Variants in FRYL observed in about 807,000 individuals in gnomAD.
FRYL encodes the protein protein furry homolog-like.
In FRYL, 150 loss-of-function variants were observed where a neutral mutation model predicts 351.2. The ratio of observed to expected loss-of-function variants is 0.43; its 90% CI spans 0.37 to 0.49. The LOEUF is 0.49. Ranked by LOEUF, FRYL falls within the 20% of genes least tolerant of loss-of-function variation. FRYL has a pLI of 0.00. For missense variants in FRYL, 3,036 were observed against 3,619.3 expected (o/e 0.84, Z 4.13); for synonymous variants, 1,153 against 1,257.1 (o/e 0.92, Z 1.75).
At chr4:48,661,705 A>T (rs1760759222) in intron 3 of FRYL, among the ~76,000 whole-genome samples, 1 of 152,250 alleles carries the variant, frequency 6.6e-6, no homozygotes, top group Admixed American at 6.5e-5. Flanking sequence ...GCAACATCCA[A>T]TTGAAATGTA....
At chr4:48,655,301 C>T (rs1039775077) in intron 3 of FRYL, among the ~76,000 whole-genome samples, 3 of 152,028 alleles carry the variant, frequency 2.0e-5, no homozygotes, top group Non-Finnish European at 4.4e-5. Flanking sequence ...AACACAGAAC[C>T]ATAATACCAC....
chr4:48,587,706 G>T (rs1455825296), intron 18 of FRYL, among the ~76,000 whole-genome samples: 1 of 152,008 alleles, frequency 6.6e-6, no homozygotes, highest in African/African-American at 2.4e-5. Flanking sequence ...ACCACGCCCA[G>T]CTAATTTTTT....
chr4:48,508,308 T>C (rs1246007108), intron 59 of FRYL, among the ~76,000 whole-genome samples: 1 of 152,226 alleles, frequency 6.6e-6, no homozygotes, highest in Non-Finnish European at 1.5e-5. Flanking sequence ...TCTGAGATTT[T>C]GAATGAGACT....
At chr4:48,608,886 G>C (rs888143904) in intron 9 of FRYL, 101 bp downstream of exon 9, 2 of 769,572 alleles carry the variant, frequency 2.6e-6, no homozygotes, top group East Asian at 5.1e-5. Context: ...TAGTGCTATG[G>C]AAAATGGTGG....
chr4:48,623,002 T>G (rs1750976441), intron 5 of FRYL, 124 bp downstream of exon 5: 1 of 621,062 alleles, frequency 1.6e-6, no homozygotes, highest in South Asian at 2.1e-5. Flanking sequence ...AAATCTAGAA[T>G]GAATTAAGCA....
intron 49 of FRYL, 71 bp from the exon 50 acceptor site, chr4:48,531,424 C>T: frequency 2.3e-6 from 2 of 881,472 alleles, no homozygotes; most frequent in South Asian, 3.0e-5. Context: ...ATTTACTGTA[C>T]ACCATAAAAA....
At chr4:48,675,222 T>A (rs1763402545) in intron 3 of FRYL, among the ~76,000 whole-genome samples, 1 of 152,208 alleles carries the variant, frequency 6.6e-6, no homozygotes. Context: ...CTCCTCTGCC[T>A]GGGCTCCCAT....
Position 48,694,549 on chromosome 4 carries a change from G to A in FRYL, c.-203-9754C>T, listed in dbSNP as rs1486331205. On this transcript the variant is annotated intron_variant, in intron 2 of 63. Coordinates refer to ENST00000358350, the MANE Select transcript of FRYL (RefSeq NM_015030.2). Reference sequence around the variant, plus strand: ...TGACCTCAGGTGATCCACTTGCCTCGGCCTCCCAAAGTGCTGGGATTATAG... The same window carrying A: ...TGACCTCAGGTGATCCACTTGCCTCAGCCTCCCAAAGTGCTGGGATTATAG... Among the ~76,000 whole-genome samples, 9 of 151,846 alleles carry A rather than the reference G, an allele frequency of 5.9e-5. No homozygotes were observed. In the East Asian group the frequency reaches 9.7e-4, roughly 16 times the overall value.
intron 16 of FRYL, among the ~76,000 whole-genome samples, chr4:48,591,557 C>G (rs191015048): frequency 1.3e-3 from 202 of 152,270 alleles, no homozygotes; most frequent in African/African-American, 4.8e-3. Context: ...AGCACCCTTT[C>G]CCTCCTGAAA....
intron 60 of FRYL, among the ~76,000 whole-genome samples, chr4:48,504,310 T>C (rs1352010151): frequency 2.0e-5 from 3 of 152,116 alleles, no homozygotes; most frequent in Non-Finnish European, 4.4e-5. Context: ...GAAATATAAA[T>C]GAAAGTGTTA....
chr4:48,550,941 G>A (rs572861203), intron 37 of FRYL, among the ~76,000 whole-genome samples: 8 of 152,096 alleles, frequency 5.3e-5, no homozygotes, highest in Admixed American at 1.3e-4. Flanking sequence ...GCGTGGTGAC[G>A]TGTGCCTGTA....
intron 3 of FRYL, among the ~76,000 whole-genome samples, chr4:48,657,500 A>C (rs987646043): frequency 2.6e-5 from 4 of 152,292 alleles, no homozygotes; most frequent in East Asian, 1.9e-4. Context: ...CACAGAAACT[A>C]AGTCACGGCC....
At position 48,512,579 on chromosome 4, in the gene FRYL, C is replaced by T. The variant is rs758847108; in HGVS notation, c.8047G>A (p.Glu2683Lys). ...ACGTGGCAGCGCCAGGCTTCCTCTTCATCATCATATGCCACGGGCTGAAAG... is the reference window on the plus strand; with the variant it reads ...ACGTGGCAGCGCCAGGCTTCCTCTTTATCATCATATGCCACGGGCTGAAAG... The part of the protein sequence containing the change: ...AAFQPVAYDD[E>K]EEAWRCHVNQ... The change falls in exon 57 of 64, where the codon GAA (glutamate) becomes AAA (lysine). Residue 2683 changes from glutamate (E) to lysine (K), a missense_variant. Glu to Lys is a moderately conservative substitution (Grantham distance 56, BLOSUM62 1). This residue lies in a region of FRYL where 1,987 missense variants were observed against 2,311.7 expected (regional missense o/e 0.86). Coordinates refer to ENST00000358350, the MANE Select transcript of FRYL (RefSeq NM_015030.2). 5.6e-6 allele frequency: 9 copies of T among 1,614,000 alleles called. No homozygotes were observed. The highest frequency in any genetic ancestry group is 7.6e-6 in the Non-Finnish European group (9 of 1,179,900).
In FRYL at chr4:48,515,166, A is replaced by G. The variant is rs201390607; in HGVS notation, c.7799T>C (p.Leu2600Ser). ...ESLVCQGILD[L>S]EETEMPEPLA... ...AGGCTCTGGCATTTCAGTTTCTTCT[A>G]AATCAAGAATTCCTTGACACACAAG... Residue 2600 changes from leucine (L) to serine (S), a missense_variant, in exon 56 of 64, where the codon TTA becomes TCA. Around this residue, in one of 7 missense-constraint regions of FRYL, gnomAD observed 1,987 missense variants for 2,311.7 expected, o/e 0.86. Coordinates refer to ENST00000358350, the MANE Select transcript of FRYL (RefSeq NM_015030.2). 1 of 1,614,016 alleles carries G rather than the reference A, an allele frequency of 6.2e-7. No homozygotes were observed. Among genetic ancestry groups the G allele is most frequent in the East Asian group, 2.2e-5 (1 of 44,872 alleles).
chr4:48,687,509 A>AGGGG (rs1560861203), intron 2 of FRYL, among the ~76,000 whole-genome samples: 1 of 9,808 alleles, frequency 1.0e-4, no homozygotes, highest in Non-Finnish European at 2.1e-4. Flanking sequence ...GGGGGGGGTG[A>AGGGG]GGGGGGAGGG....
chr4:48,601,998 C>G (rs745321090), intron 13 of FRYL, 22 bp downstream of exon 13: 1 of 1,303,444 alleles, frequency 7.7e-7, no homozygotes, highest in Non-Finnish European at 1.1e-6. Context: ...ATTTACATAT[C>G]AGAAGTGTGA....
intron 2 of FRYL, among the ~76,000 whole-genome samples, chr4:48,693,673 A>C (rs1041928226): frequency 2.0e-5 from 3 of 152,170 alleles, no homozygotes; most frequent in Admixed American, 6.5e-5. Flanking sequence ...AAAGTGAAGG[A>C]AACAACTACA....
chr4:48,722,646 CT>C (rs1769619344), intron 1 of FRYL, among the ~76,000 whole-genome samples: 1 of 152,208 alleles, frequency 6.6e-6, no homozygotes, highest in Admixed American at 6.5e-5. Context: ...AAAAGGAGTA[CT>C]GTGTTCACAA....
Position 48,592,082 on chromosome 4 carries a change from T to A in FRYL, c.1336-1252A>T, listed in dbSNP as rs201145304. ...GGAATACGGGAAGAAAATAAAGCTCTTATATATATATATATATATATATAT... is the reference window on the plus strand; with the variant it reads ...GGAATACGGGAAGAAAATAAAGCTCATATATATATATATATATATATATAT... On this transcript the variant is annotated intron_variant, in intron 16 of 63. Transcript: ENST00000358350. 6.0e-3 allele frequency among the ~76,000 whole-genome samples: 692 copies of A among 116,002 alleles called. 19 individuals carry two copies. The highest frequency in any genetic ancestry group is 0.028 in the African/African-American group (619 of 22,172). 76.1% of individuals were successfully genotyped at this position (116,002 alleles called of 152,430 possible).
Sources: allele counts gnomAD v4.1 joint callset (sites outside exome capture counted in the v4.1 genomes callset), GRCh38; gene constraint gnomAD v4.1.1; regional missense constraint gnomAD v4.1.1; transcripts MANE v1.5; gene names NCBI Gene and HGNC (gene_info 2026-07-23, HGNC 2026-07-21).